Variants in MTPN observed in about 807,000 individuals in gnomAD.
MTPN encodes myotrophin.
A neutral mutation model predicts 13.5 loss-of-function variants in MTPN; 2 were observed. That is an observed-to-expected ratio of 0.15 (90% confidence interval 0.06 to 0.47). The LOEUF (loss-of-function observed/expected upper bound fraction) is 0.47, where lower values mean the gene tolerates loss of function less well. Ranked by LOEUF, MTPN falls within the 20% of genes least tolerant of loss-of-function variation. MTPN has a pLI of 0.97. For synonymous variants in MTPN, 46 were observed against 51.7 expected (o/e 0.89, Z 0.48); for missense variants, 79 against 137.9 (o/e 0.57, Z 2.14).
chr7:135,960,281 A>T (rs1401098521), intron 1 of MTPN, among the ~76,000 whole-genome samples: 1 of 152,130 alleles, frequency 6.6e-6, no homozygotes, highest in East Asian at 1.9e-4. Context: ...AGAGATAATT[A>T]AGCTTGGGCT....
chr7:135,937,246 TA>T (rs1311796486), intron 3 of MTPN, among the ~76,000 whole-genome samples: 2 of 152,184 alleles, frequency 1.3e-5, no homozygotes, highest in Non-Finnish European at 2.9e-5. Context: ...ATTATAGTTA[TA>T]CTGATAAATT....
chr7:135,927,214 T>C lies in MTPN; in HGVS notation c.*2712A>G. The C allele has an allele frequency of 8.1e-7, 1 of 1,237,552 alleles. No homozygotes were observed. The highest frequency in any genetic ancestry group is 1.1e-6 in the Non-Finnish European group (1 of 918,556). The allele number at this position is 1,237,552 out of a possible 1,614,324, so 76.7% of individuals were successfully genotyped here. A position where few individuals can be genotyped will look rare whatever the true frequency, so the allele number is the denominator to read the frequency against. On this transcript the variant is annotated 3_prime_UTR_variant, in exon 4 of 4. Coordinates refer to ENST00000393085, the MANE Select transcript of MTPN (RefSeq NM_145808.4). The stretch of plus-strand genomic sequence containing the variant: ...AGATATCAATGAATAAAAGGCCTAC[T>C]TGTTTGCAGCTTCCACACACTGCAC...
chr7:135,937,729 G>A (rs1332566465), intron 3 of MTPN, among the ~76,000 whole-genome samples: 1 of 152,028 alleles, frequency 6.6e-6, no homozygotes, highest in Non-Finnish European at 1.5e-5. Flanking sequence ...TGCCTCTCCT[G>A]TCCCTCCTTC....
intron 3 of MTPN, among the ~76,000 whole-genome samples, chr7:135,939,459 G>C (rs1362847622): frequency 6.6e-6 from 1 of 151,646 alleles, no homozygotes; most frequent in Non-Finnish European, 1.5e-5. Flanking sequence ...AGCTACAGGT[G>C]ACTATCTGAC....
rs540163312 is a variant in MTPN, at chr7:135,959,203, C to T, written c.73-7573G>A. 3.3e-5 allele frequency among the ~76,000 whole-genome samples: 5 copies of T among 151,970 alleles called. No homozygotes were observed. The South Asian group carries it at 8.3e-4, about 25-fold the overall frequency. On this transcript the variant is annotated intron_variant, in intron 1 of 3. Coordinates refer to ENST00000393085, the MANE Select transcript of MTPN (RefSeq NM_145808.4). ...ACATATATCCTATCAAGTGGATGTA[C>T]CATAGTTTACTTATTCTAATTCTAG...
chr7:135,963,524 A>G (rs1030598321), intron 1 of MTPN, among the ~76,000 whole-genome samples: 13 of 152,062 alleles, frequency 8.5e-5, no homozygotes, highest in African/African-American at 3.1e-4. Context: ...GAACTTTACA[A>G]TACAGAAAAA....
chr7:135,932,143 T>C (rs1351881066), intron 3 of MTPN: 1 of 152,196 alleles, frequency 6.6e-6, no homozygotes, highest in Non-Finnish European at 1.5e-5. Flanking sequence ...CCTGGGATTA[T>C]AAAACCGAGA....
intron 3 of MTPN, among the ~76,000 whole-genome samples, chr7:135,931,948 G>A (rs939421829): frequency 2.6e-5 from 4 of 151,936 alleles, no homozygotes; most frequent in Non-Finnish European, 5.9e-5. Flanking sequence ...CTTTGTGTTA[G>A]AACATTCTAA....
chr7:135,946,563 A>C (rs1201621888), intron 3 of MTPN, among the ~76,000 whole-genome samples: 1 of 152,212 alleles, frequency 6.6e-6, no homozygotes, highest in African/African-American at 2.4e-5. Context: ...GTCTATGGCA[A>C]TGTTACATCA....
At chr7:135,950,228 A>G (rs1799345287) in intron 3 of MTPN, among the ~76,000 whole-genome samples, 1 of 152,228 alleles carries the variant, frequency 6.6e-6, no homozygotes, top group South Asian at 2.1e-4. Flanking sequence ...AAACATATAC[A>G]TTTCAAACCA....
intron 3 of MTPN, among the ~76,000 whole-genome samples, chr7:135,943,502 A>G (rs1010143822): frequency 6.6e-6 from 1 of 152,220 alleles, no homozygotes; most frequent in African/African-American, 2.4e-5. Context: ...ATGTTACCAG[A>G]CAAGATGGTT....
chr7:135,960,017 G>A (rs575890729), intron 1 of MTPN, among the ~76,000 whole-genome samples: 4 of 151,946 alleles, frequency 2.6e-5, no homozygotes, highest in African/African-American at 9.6e-5. Flanking sequence ...ACATCAATTT[G>A]GTTACTCAAT....
chr7:135,929,133 C>T lies in MTPN; in HGVS notation c.*793G>A, dbSNP rs1340905956. 1 of 166,956 alleles carries T rather than the reference C, an allele frequency of 6.0e-6. No individual in the cohort carries two copies. The highest frequency in any genetic ancestry group is 6.5e-5 in the Admixed American group (1 of 15,280). 10.3% of individuals were successfully genotyped at this position (166,956 alleles called of 1,614,324 possible). A position where few individuals can be genotyped will look rare whatever the true frequency, so the allele number is the denominator to read the frequency against. On this transcript the variant is annotated 3_prime_UTR_variant, in exon 4 of 4. Transcript: ENST00000393085. ...TTTTTAAATCCCCTTTTACTACCAG[C>T]AGGAGTTTGAAAGTGTTTCAATGCT...
At chr7:135,972,219 GCGCA>G (rs1364770318) in intron 1 of MTPN, among the ~76,000 whole-genome samples, 8 of 77,538 alleles carry the variant, frequency 1.0e-4, no homozygotes, top group African/African-American at 2.7e-4. Flanking sequence ...ACGCGCACAC[GCGCA>G]CGCGCGCGCA....
At chr7:135,945,713 T>C (rs952090564) in intron 3 of MTPN, among the ~76,000 whole-genome samples, 3 of 152,154 alleles carry the variant, frequency 2.0e-5, no homozygotes, top group African/African-American at 7.2e-5. Context: ...TTAACTTTTT[T>C]TTTAATAAGT....
intron 3 of MTPN, among the ~76,000 whole-genome samples, chr7:135,937,401 A>ACACACACACACACACACAC (rs1799132454): frequency 6.7e-6 from 1 of 148,378 alleles, no homozygotes; most frequent in African/African-American, 2.5e-5. Flanking sequence ...ACACACACAC[A>ACACACACACACACACACAC]AAACCTCTCT....
intron 3 of MTPN, among the ~76,000 whole-genome samples, chr7:135,936,155 C>A (rs1799111959): frequency 6.6e-6 from 1 of 152,258 alleles, no homozygotes; most frequent in East Asian, 1.9e-4. Context: ...GATCCCAAGG[C>A]CTTGCACAGG....
chr7:135,940,364 T>C (rs2083842696), intron 3 of MTPN, among the ~76,000 whole-genome samples: 4 of 152,198 alleles, frequency 2.6e-5, no homozygotes, highest in Admixed American at 2.6e-4. Flanking sequence ...ACATTTAATT[T>C]CATATTTAAT....
In MTPN at chr7:135,974,138, C is replaced by A. The variant is rs149174378; in HGVS notation, c.72+2891G>T. Among the ~76,000 whole-genome samples, 20 of 152,238 alleles carry A rather than the reference C, an allele frequency of 1.3e-4. No homozygotes were observed. The East Asian group carries it at 3.9e-3, about 29-fold the overall frequency. ...TGACTTTTCTAAGTTCAAGAACTCA[C>A]CTAAAACCAATGATTTAGGGATACT... On this transcript the variant is annotated intron_variant, in intron 1 of 3. Coordinates refer to ENST00000393085, the MANE Select transcript of MTPN (RefSeq NM_145808.4).
Sources: allele counts gnomAD v4.1 joint callset (sites outside exome capture counted in the v4.1 genomes callset), GRCh38; gene constraint gnomAD v4.1.1; transcripts MANE v1.5; gene names NCBI Gene and HGNC (gene_info 2026-07-23, HGNC 2026-07-21).